CRKL: variants seen among roughly 807,000 people sequenced by gnomAD.
CRKL encodes the protein CRK like proto-oncogene, adaptor protein.
Under a neutral mutation model 23.0 loss-of-function variants are expected in CRKL, and 3 were observed. The ratio of observed to expected loss-of-function variants is 0.13; its 90% CI spans 0.06 to 0.34. The LOEUF is 0.34. Ranked by LOEUF, CRKL falls within the 10% of genes least tolerant of loss-of-function variation. CRKL has a pLI of 1.00. For missense variants in CRKL, 256 were observed against 394.5 expected (o/e 0.65, Z 2.97); for synonymous variants, 188 against 160.7 (o/e 1.17, Z -1.28).
rs187199904 is a variant in CRKL, at chr22:20,940,437, C to T, written c.777+6193C>T. On this transcript the variant is annotated intron_variant, in intron 2 of 2. Transcript: ENST00000354336. The stretch of plus-strand genomic sequence containing the variant: ...TTGACAAAAAACAAGAGACTTGACC[C>T]TTCCTAAGTCTTCCAGTGTCCTGTG... 2.6e-5 allele frequency among the ~76,000 whole-genome samples: 4 copies of T among 152,280 alleles called. No individual in the cohort carries two copies. In the East Asian group the frequency reaches 7.7e-4, roughly 29 times the overall value.
At chr22:20,920,189 A>G (rs892211967) in intron 1 of CRKL, among the ~76,000 whole-genome samples, 1 of 152,280 alleles carries the variant, frequency 6.6e-6, no homozygotes, top group South Asian at 2.1e-4. Flanking sequence ...CATGAGTACT[A>G]ATAATACAGC....
At chr22:20,938,748 C>T (rs2048604570) in intron 2 of CRKL, among the ~76,000 whole-genome samples, 1 of 152,148 alleles carries the variant, frequency 6.6e-6, no homozygotes, top group Admixed American at 6.6e-5. Flanking sequence ...GAAATAGCAA[C>T]TTTAGAATTG....
chr22:20,926,839 T>A lies in CRKL; in HGVS notation c.312-6940T>A, dbSNP rs1191316972. Among the ~76,000 whole-genome samples the A allele has an allele frequency of 6.6e-5, 10 of 151,884 alleles. No homozygotes were observed. The East Asian group carries it at 1.9e-3, about 30-fold the overall frequency. Reference sequence around the variant, plus strand: ...AAGAATGGTGGTTACTGGCTGGACATGGTGGCTCACGCCTGTAATCCTAGC... The same window carrying A: ...AAGAATGGTGGTTACTGGCTGGACAAGGTGGCTCACGCCTGTAATCCTAGC... On this transcript the variant is annotated intron_variant, in intron 1 of 2. Coordinates refer to ENST00000354336, the MANE Select transcript of CRKL (RefSeq NM_005207.4).
At chr22:20,932,124 G>T (rs1921478435) in intron 1 of CRKL, among the ~76,000 whole-genome samples, 1 of 150,688 alleles carries the variant, frequency 6.6e-6, no homozygotes. Flanking sequence ...ATTTATTTAT[G>T]TTTTGAGACA....
At chr22:20,922,717 C>G (rs1921039173) in intron 1 of CRKL, among the ~76,000 whole-genome samples, 1 of 152,070 alleles carries the variant, frequency 6.6e-6, no homozygotes, top group Admixed American at 6.6e-5. Context: ...CTCTGTCCCC[C>G]AGGCTGTAGT....
At chr22:20,920,592 A>G (rs1920981535) in intron 1 of CRKL, among the ~76,000 whole-genome samples, 1 of 152,092 alleles carries the variant, frequency 6.6e-6, no homozygotes, top group Non-Finnish European at 1.5e-5. Flanking sequence ...AATCGCCTCC[A>G]GATTTTCCGT....
At position 20,917,745 on chromosome 22, in the gene CRKL, C is replaced by A; in HGVS notation, c.-190C>A. ...CTCTCTCCGTGTGGCGGCCCCGGAG[C>A]AGGCGGGCGGCGTCGGAGGATGCTG... On this transcript the variant is annotated 5_prime_UTR_variant, in exon 1 of 3. Coordinates refer to ENST00000354336, the MANE Select transcript of CRKL (RefSeq NM_005207.4). 2 of 615,930 alleles carry A rather than the reference C, an allele frequency of 3.2e-6. No individual in the cohort carries two copies. Among genetic ancestry groups the A allele is most frequent in the Non-Finnish European group, 5.6e-6 (2 of 359,598 alleles). The allele number at this position is 615,930 out of a possible 1,614,324, so 38.2% of individuals were successfully genotyped here. A position where few individuals can be genotyped will look rare whatever the true frequency, so the allele number is the denominator to read the frequency against.
chr22:20,941,860 T>C (rs1337479615), intron 2 of CRKL, among the ~76,000 whole-genome samples: 1 of 151,914 alleles, frequency 6.6e-6, no homozygotes, highest in Non-Finnish European at 1.5e-5. Flanking sequence ...GAAAAAAATA[T>C]TTTTAAAAGG....
intron 2 of CRKL, among the ~76,000 whole-genome samples, chr22:20,938,168 T>C (rs1051389837): frequency 2.6e-5 from 4 of 152,218 alleles, no homozygotes; most frequent in African/African-American, 9.6e-5. Flanking sequence ...GTGCTGATAA[T>C]TGAAGCTTCG....
intron 2 of CRKL, among the ~76,000 whole-genome samples, chr22:20,935,634 C>G (rs1160952621): frequency 1.3e-5 from 2 of 149,906 alleles, no homozygotes; most frequent in Non-Finnish European, 3.0e-5. Context: ...TCAAGTGATT[C>G]TCCTGCCTCA....
At chr22:20,941,719 G>T (rs577842758) in intron 2 of CRKL, among the ~76,000 whole-genome samples, 1 of 146,518 alleles carries the variant, frequency 6.8e-6, no homozygotes, top group Non-Finnish European at 1.5e-5. Flanking sequence ...TCAGCCTCCC[G>T]AGTAGCTGGG....
At position 20,918,126 on chromosome 22, in the gene CRKL, C is replaced by T. The variant is rs2147891811; in HGVS notation, c.192C>T (p.Asn64=). The change falls in exon 1 of 3, where the codon AAC becomes AAT. Residue 64 remains asparagine, a synonymous_variant. Coordinates refer to ENST00000354336, the MANE Select transcript of CRKL (RefSeq NM_005207.4). ...CGCGGGTCTCCCACTACATCATCAA[C>T]TCGCTGCCCAACCGCCGTTTTAAGA... ...ENSRVSHYII[N]SLPNRRFKIG... The T allele has an allele frequency of 6.2e-7, 1 of 1,614,194 alleles. No individual in the cohort carries two copies. The highest frequency in any genetic ancestry group is 8.5e-7 in the Non-Finnish European group (1 of 1,180,050).
At chr22:20,930,460 A>G (rs957088822) in intron 1 of CRKL, among the ~76,000 whole-genome samples, 1 of 152,018 alleles carries the variant, frequency 6.6e-6, no homozygotes, top group African/African-American at 2.4e-5. Flanking sequence ...GCTCATTGCA[A>G]CCTCTGCCTC....
At chr22:20,924,911 C>T (rs1022820794) in intron 1 of CRKL, among the ~76,000 whole-genome samples, 1 of 151,888 alleles carries the variant, frequency 6.6e-6, no homozygotes, top group African/African-American at 2.4e-5. Context: ...TGTTCCCAGC[C>T]GGATGTGGTG....
intron 2 of CRKL, among the ~76,000 whole-genome samples, chr22:20,948,944 C>A (rs1463907333): frequency 6.6e-6 from 1 of 152,222 alleles, no homozygotes; most frequent in Non-Finnish European, 1.5e-5. Context: ...AACACCCTGT[C>A]TACAATGACT....
chr22:20,945,215 G>A (rs1001318859), intron 2 of CRKL, among the ~76,000 whole-genome samples: 7 of 151,714 alleles, frequency 4.6e-5, no homozygotes, highest in Admixed American at 6.6e-5. Context: ...GGATGGTCTC[G>A]ATCTCCTGAC....
intron 1 of CRKL, among the ~76,000 whole-genome samples, chr22:20,926,451 A>G (rs1460817885): frequency 6.6e-6 from 1 of 152,140 alleles, no homozygotes; most frequent in East Asian, 1.9e-4. Context: ...GGGGAGAGGT[A>G]TGATGACTTC....
Position 20,950,438 on chromosome 22 carries a change from G to A in CRKL, c.*593G>A. 4.3e-6 allele frequency: 1 copy of A among 232,552 alleles called. No homozygotes were observed. Among genetic ancestry groups the A allele is most frequent in the Non-Finnish European group, 8.5e-6 (1 of 117,870 alleles). 14.4% of individuals were successfully genotyped at this position (232,552 alleles called of 1,614,324 possible). A position where few individuals can be genotyped will look rare whatever the true frequency, so the allele number is the denominator to read the frequency against. On this transcript the variant is annotated 3_prime_UTR_variant, in exon 3 of 3. Coordinates refer to ENST00000354336, the MANE Select transcript of CRKL (RefSeq NM_005207.4). ...TGTTTTGTTTTGTTTTTTTGAGACG[G>A]TGTCTCGCTGCATCACCCAGGCTGG...
In CRKL at chr22:20,952,488, C is replaced by A. The variant is rs1024752644; in HGVS notation, c.*2643C>A. ...AAACTAGTAAAACTTAACGGACTTACAACCTTGTCAGTTTTTTTAATGAGG... is the reference window on the plus strand; with the variant it reads ...AAACTAGTAAAACTTAACGGACTTAAAACCTTGTCAGTTTTTTTAATGAGG... On this transcript the variant is annotated 3_prime_UTR_variant, in exon 3 of 3. Coordinates refer to ENST00000354336, the MANE Select transcript of CRKL (RefSeq NM_005207.4). The A allele has an allele frequency of 1.7e-5, 4 of 231,308 alleles. No individual in the cohort carries two copies. Among genetic ancestry groups the A allele is most frequent in the East Asian group, 1.2e-4 (2 of 16,268 alleles). The allele number at this position is 231,308 out of a possible 1,614,324, so 14.3% of individuals were successfully genotyped here.
Sources: allele counts gnomAD v4.1 joint callset (sites outside exome capture counted in the v4.1 genomes callset), GRCh38; gene constraint gnomAD v4.1.1; transcripts MANE v1.5; gene names NCBI Gene and HGNC (gene_info 2026-07-23, HGNC 2026-07-21).